DIAPH1: variants seen among roughly 807,000 people sequenced by gnomAD.
DIAPH1 encodes the protein diaphanous related formin 1, also known as protein diaphanous homolog 1.
In DIAPH1, 46 loss-of-function variants were observed where a neutral mutation model predicts 140.7. The ratio of observed to expected loss-of-function variants is 0.33; its 90% CI spans 0.26 to 0.42. The LOEUF (loss-of-function observed/expected upper bound fraction) is 0.42. Among genes scored for constraint, DIAPH1 ranks in the 10% least tolerant of loss-of-function variants. The probability of loss-of-function intolerance (pLI) is 1.00; values close to 1 mark genes in which losing one functional copy is unlikely to be tolerated. For synonymous variants in DIAPH1, 565 were observed against 551.6 expected, an observed-to-expected ratio of 1.02 and a Z score of -0.34; for missense variants, 1,310 against 1,558.7, an observed-to-expected ratio of 0.84 and a Z score of 2.69.
intron 26 of DIAPH1, among the ~76,000 whole-genome samples, chr5:141,525,404 T>C (rs916951249): frequency 8.8e-5 from 13 of 147,862 alleles, no homozygotes; most frequent in African/African-American, 2.5e-4. Context: ...GGCGAAGGGG[T>C]AGGGAATCTG....
intron 8 of DIAPH1, among the ~76,000 whole-genome samples, chr5:141,580,043 A>G (rs921343376): frequency 4.6e-5 from 7 of 152,220 alleles, no homozygotes; most frequent in Non-Finnish European, 1.0e-4. Flanking sequence ...ATGGAATACT[A>G]AATAGCTACT....
intron 24 of DIAPH1, 56 bp from the exon 25 acceptor site, chr5:141,526,517 T>C: frequency 6.2e-7 from 1 of 1,602,974 alleles, no homozygotes; most frequent in Non-Finnish European, 8.5e-7. Context: ...CCCACTTCTC[T>C]AGCCCAAGGA....
At chr5:141,584,887 T>TG (rs1342666000) in intron 3 of DIAPH1, among the ~76,000 whole-genome samples, 1 of 152,106 alleles carries the variant, frequency 6.6e-6, no homozygotes, top group Non-Finnish European at 1.5e-5. Flanking sequence ...AAAATATGGA[T>TG]GGGGGGATGT....
intron 1 of DIAPH1, among the ~76,000 whole-genome samples, chr5:141,614,216 T>C (rs1469141170): frequency 7.2e-5 from 11 of 152,190 alleles, no homozygotes; most frequent in Admixed American, 3.9e-4. Flanking sequence ...AAAAGGGATA[T>C]ATAAACCTGC....
At chr5:141,531,936 C>CT (rs1434961038) in intron 19 of DIAPH1, among the ~76,000 whole-genome samples, 1 of 152,176 alleles carries the variant, frequency 6.6e-6, no homozygotes, top group Non-Finnish European at 1.5e-5. Flanking sequence ...CTCAAAATCA[C>CT]TGCCAAAGCA....
chr5:141,525,444 G>C (rs80277707), intron 26 of DIAPH1, among the ~76,000 whole-genome samples: 1,719 of 152,242 alleles, frequency 0.011, 22 homozygotes, highest in African/African-American at 0.031. Context: ...ACAGGAAACA[G>C]AGGGCCAGTA....
intron 1 of DIAPH1, among the ~76,000 whole-genome samples, chr5:141,612,271 A>T (rs559503325): frequency 6.6e-6 from 1 of 152,324 alleles, no homozygotes; most frequent in South Asian, 2.1e-4. Flanking sequence ...TTAAGCATAG[A>T]TCTACCAAAT....
At position 141,618,908 on chromosome 5, in the gene DIAPH1, G is replaced by A; in HGVS notation, c.7C>T (p.Pro3Ser). 1 of 1,508,576 alleles carries A rather than the reference G, an allele frequency of 6.6e-7. No homozygotes were observed. The allele number at this position is 1,508,576 out of a possible 1,614,324, so 93.4% of individuals were successfully genotyped here. ME[P>S]PGGSLGPGRG... ...CCGGGCCCCAGGCTCCCGCCGGGCG[G>A]CTCCATGTCCCGGTTCACGCTGGCC... The change falls in exon 1 of 28, where the codon CCG (proline) becomes TCG (serine). Residue 3 changes from proline to serine, a missense_variant. Pro to Ser is a moderately conservative substitution (Grantham distance 74, BLOSUM62 -1). Transcript: ENST00000389054.
intron 1 of DIAPH1, among the ~76,000 whole-genome samples, chr5:141,593,217 T>A (rs988127877): frequency 2.0e-5 from 3 of 152,112 alleles, no homozygotes; most frequent in African/African-American, 7.2e-5. Context: ...AAAATAAGAC[T>A]GGTTGGAAGC....
At chr5:141,559,767 A>G (rs780382535) in intron 18 of DIAPH1, among the ~76,000 whole-genome samples, 2 of 152,214 alleles carry the variant, frequency 1.3e-5, no homozygotes, top group African/African-American at 4.8e-5. Context: ...GGACTCAGGT[A>G]TGTCAGCAAA....
chr5:141,555,134 C>T (rs2099892367), intron 18 of DIAPH1, among the ~76,000 whole-genome samples: 1 of 152,172 alleles, frequency 6.6e-6, no homozygotes, highest in East Asian at 1.9e-4. Flanking sequence ...CACACGTCCC[C>T]CTCTGATTAC....
intron 18 of DIAPH1, among the ~76,000 whole-genome samples, chr5:141,543,779 C>T (rs985390329): frequency 3.9e-5 from 6 of 152,130 alleles, no homozygotes; most frequent in Non-Finnish European, 7.3e-5. Flanking sequence ...AGTCAAGGAG[C>T]ATCTGTACAC....
At chr5:141,611,672 A>G (rs2099901857) in intron 1 of DIAPH1, among the ~76,000 whole-genome samples, 1 of 152,134 alleles carries the variant, frequency 6.6e-6, no homozygotes, top group Non-Finnish European at 1.5e-5. Flanking sequence ...CGATACATAG[A>G]TAGCAAATGG....
chr5:141,535,480 C>T (rs549687338), intron 18 of DIAPH1, among the ~76,000 whole-genome samples: 9 of 152,252 alleles, frequency 5.9e-5, no homozygotes, highest in Admixed American at 1.3e-4. Flanking sequence ...ATTAATTATT[C>T]AATGTTTTGT....
chr5:141,579,627 G>A (rs1226491418), intron 8 of DIAPH1, among the ~76,000 whole-genome samples: 1 of 152,124 alleles, frequency 6.6e-6, no homozygotes, highest in Non-Finnish European at 1.5e-5. Flanking sequence ...TGATCACCTA[G>A]AACAGATAGT....
chr5:141,539,418 GT>G (rs57490035), intron 18 of DIAPH1, among the ~76,000 whole-genome samples: 90 of 132,536 alleles, frequency 6.8e-4, no homozygotes, highest in Non-Finnish European at 1.0e-3. Flanking sequence ...GGGTAGTTTT[GT>G]TTTTTTTTTT....
intron 1 of DIAPH1, among the ~76,000 whole-genome samples, chr5:141,615,814 A>C (rs2099902600): frequency 6.6e-6 from 1 of 152,228 alleles, no homozygotes; most frequent in African/African-American, 2.4e-5. Context: ...CTTACAATGC[A>C]TCACTTTCTC....
chr5:141,517,398 TTTTTG>T (rs1562275482), intron 27 of DIAPH1, among the ~76,000 whole-genome samples: 1 of 152,226 alleles, frequency 6.6e-6, no homozygotes, highest in East Asian at 1.9e-4. Flanking sequence ...CATAGTATTA[TTTTTG>T]TTTTCTTGAC....
intron 18 of DIAPH1, among the ~76,000 whole-genome samples, chr5:141,567,531 A>C (rs535955064): frequency 9.2e-5 from 14 of 152,322 alleles, no homozygotes; most frequent in African/African-American, 3.4e-4. Context: ...CTCTAGTCCT[A>C]ATCTTACCGA....
Sources: gnomAD v4.1 joint callset for allele counts (sites outside exome capture counted in the v4.1 genomes callset) on GRCh38, gnomAD v4.1.1 for gene constraint, MANE v1.5 for transcripts, NCBI Gene and HGNC (gene_info 2026-07-23, HGNC 2026-07-21) for gene names.